The following DGAT1 variants were observed in gnomAD, a reference collection of about 807,000 sequenced individuals.
DGAT1 encodes ACAT related gene product 1.
In DGAT1, 60 loss-of-function variants were observed where a neutral mutation model predicts 72.6. The ratio of observed to expected loss-of-function variants is 0.83; its 90% CI spans 0.67 to 1.02. DGAT1 has a LOEUF of 1.02. Among genes scored for constraint, DGAT1 ranks in the 50% least tolerant of loss-of-function variants. The pLI, the probability that DGAT1 is intolerant of heterozygous loss-of-function variation, is 0.00. For missense variants in DGAT1, 592 were observed against 670.0 expected, an observed-to-expected ratio of 0.88 and a Z score of 1.29; for synonymous variants, 290 against 267.5, an observed-to-expected ratio of 1.08 and a Z score of -0.82.
chr8:144,325,659 G>A (rs1215751922), intron 1 of DGAT1, among the ~76,000 whole-genome samples: 4 of 152,124 alleles, frequency 2.6e-5, no homozygotes, highest in Non-Finnish European at 5.9e-5. Context: ...CCTTCCCATC[G>A]GCCATGGTTC....
chr8:144,318,863 A>G lies in DGAT1; in HGVS notation c.387T>C (p.Tyr129=), dbSNP rs782181623. 5 of 1,612,214 alleles carry G rather than the reference A, an allele frequency of 3.1e-6. 1 individual carries two copies. The South Asian group carries it at 5.5e-5, about 18-fold the overall frequency. The change falls in exon 4 of 17, where the codon TAT becomes TAC. Residue 129 remains tyrosine, a synonymous_variant. Coordinates refer to ENST00000528718, the MANE Select transcript of DGAT1 (RefSeq NM_012079.6). ...QVVSLFLKDP[Y]SWPAPCLVIA... ...TAACCAGGCATGGGGCGGGCCAGCT[A>G]TAGGGATCCTTCAGGAACAGAGAAA... is the stretch of plus-strand genomic sequence containing the variant.
Position 144,317,593 on chromosome 8 carries a change from A to G in DGAT1, c.937-5T>C. On this transcript the variant is annotated splice_polypyrimidine_tract_variant and splice_region_variant and intron_variant, in intron 11 of 16. Transcript: ENST00000528718. The stretch of plus-strand genomic sequence containing the variant: ...GATGCGTGAGTAGTCCATGTCCTGC[A>G]GAAACAAGCCCTTCAGCTAGCCATG... 6.2e-7 allele frequency: 1 copy of G among 1,613,892 alleles called. No homozygotes were observed. The highest frequency in any genetic ancestry group is 1.1e-5 in the South Asian group (1 of 91,088).
rs1335452798 is a variant in DGAT1 at position 144,315,009 on chromosome 8, G to A, written c.*1545C>T. The A allele has an allele frequency of 1.0e-6, 1 of 985,696 alleles. No individual in the cohort carries two copies. The highest frequency in any genetic ancestry group is 1.2e-6 in the Non-Finnish European group (1 of 830,174). The allele number at this position is 985,696 out of a possible 1,614,324, so 61.1% of individuals were successfully genotyped here. On this transcript the variant is annotated 3_prime_UTR_variant, in exon 17 of 17. Transcript: ENST00000528718. Reference sequence around the variant, plus strand: ...TTCGCACTCGGACAGGTGATGCGGGGCGGGCACACTGTCTTTCTGCCAGAG... The same window carrying A: ...TTCGCACTCGGACAGGTGATGCGGGACGGGCACACTGTCTTTCTGCCAGAG...
Position 144,316,879 on chromosome 8 carries a change from A to C in DGAT1, c.1285T>G (p.Trp429Gly), listed in dbSNP as rs1554847135. 6.2e-7 allele frequency: 1 copy of C among 1,611,780 alleles called. No homozygotes were observed. The highest frequency in any genetic ancestry group is 1.1e-5 in the South Asian group (1 of 90,832). ...VSVPLRMFRL[W>G]AFTGMMAQIP... ...TGAGCCATCATGCCCGTGAACGCCC[A>C]GAGGCGGAACATTCGCAGAGGGACG... Residue 429 changes from tryptophan (W) to glycine (G), a missense_variant, in exon 16 of 17, where the codon TGG becomes GGG. By Grantham distance (184) the Trp-to-Gly change is radical. Coordinates refer to ENST00000528718, the MANE Select transcript of DGAT1 (RefSeq NM_012079.6).
At chr8:144,319,106 C>T (rs1554847816) in intron 2 of DGAT1, 38 bp from the exon 3 acceptor site, 1 of 1,550,772 alleles carries the variant, frequency 6.4e-7, no homozygotes, top group Admixed American at 2.0e-5. Flanking sequence ...CCCCTTTAGT[C>T]CTGGCCACAG....
At chr8:144,318,626 G>T in intron 5 of DGAT1, 60 bp from the exon 6 acceptor site, 1 of 1,603,996 alleles carries the variant, frequency 6.2e-7, no homozygotes, top group Non-Finnish European at 8.5e-7. Flanking sequence ...GGGCTGCCAG[G>T]CCTGGGGAGC....
At position 144,314,773 on chromosome 8, in the gene DGAT1, C is replaced by A; in HGVS notation, c.*1781G>T. 1 of 337,872 alleles carries A rather than the reference C, an allele frequency of 3.0e-6. No homozygotes were observed. Among genetic ancestry groups the A allele is most frequent in the Non-Finnish European group, 4.3e-6 (1 of 230,720 alleles). The allele number at this position is 337,872 out of a possible 1,614,324, so 20.9% of individuals were successfully genotyped here. A position where few individuals can be genotyped will look rare whatever the true frequency, so the allele number is the denominator to read the frequency against. On this transcript the variant is annotated 3_prime_UTR_variant, in exon 17 of 17. Coordinates refer to ENST00000528718, the MANE Select transcript of DGAT1 (RefSeq NM_012079.6). ...CAGGGTGGTGCGGTGGGTGGTGCTG[C>A]AATGAGGAGGGGCCCAGGGCACAGA...
Position 144,316,390 on chromosome 8 carries a change from G to C in DGAT1, c.*164C>G. 1.1e-6 allele frequency: 1 copy of C among 883,668 alleles called. No homozygotes were observed. Among genetic ancestry groups the C allele is most frequent in the Non-Finnish European group, 1.7e-6 (1 of 598,592 alleles). 54.7% of individuals were successfully genotyped at this position (883,668 alleles called of 1,614,324 possible). On this transcript the variant is annotated 3_prime_UTR_variant, in exon 17 of 17. Coordinates refer to ENST00000528718, the MANE Select transcript of DGAT1 (RefSeq NM_012079.6). Reference sequence around the variant, plus strand: ...TGTCTGGCCTGCTGTCGCCATCCCTGAGGGGTGCAGGACAGAGCCCCATAG... The same window carrying C: ...TGTCTGGCCTGCTGTCGCCATCCCTCAGGGGTGCAGGACAGAGCCCCATAG...
chr8:144,317,495 T>TG lies in DGAT1; in HGVS notation c.981+48dup, dbSNP rs782240187. The TG allele has an allele frequency of 6.2e-6, 10 of 1,613,662 alleles. 1 individual carries two copies. The highest frequency in any genetic ancestry group is 3.3e-5 in the Admixed American group (2 of 60,016). On this transcript the variant is annotated intron_variant, in intron 12 of 16. Transcript: ENST00000528718. The stretch of plus-strand genomic sequence containing the variant: ...CCAAGTTCTAGAACCTTCCCCCACA[T>TG]GCCACTGTCCCCTCCTGTCCTGTGC...
Position 144,315,298 on chromosome 8 carries a change from C to A in DGAT1, c.*1256G>T. 1.0e-6 allele frequency: 1 copy of A among 985,508 alleles called. No homozygotes were observed. Among genetic ancestry groups the A allele is most frequent in the Non-Finnish European group, 1.2e-6 (1 of 829,980 alleles). The allele number at this position is 985,508 out of a possible 1,614,324, so 61.0% of individuals were successfully genotyped here. On this transcript the variant is annotated 3_prime_UTR_variant, in exon 17 of 17. Transcript: ENST00000528718. ...CCACTACTGCCATCCTCAGCAGGGCCCAAGGAGATGCCTCCATCTCAGGGC... is the reference window on the plus strand; with the variant it reads ...CCACTACTGCCATCCTCAGCAGGGCACAAGGAGATGCCTCCATCTCAGGGC...
chr8:144,326,594 G>T lies in DGAT1; in HGVS notation c.43C>A (p.Arg15=). The change falls in exon 1 of 17, where the codon CGG becomes AGG. Residue 15 remains arginine (R), a synonymous_variant. Coordinates refer to ENST00000528718, the MANE Select transcript of DGAT1 (RefSeq NM_012079.6). ...CCGCCGCCGCCGTGGCTCGAGGGCC[G>T]CGACCCTGTCCTCCGGCGCCGGGAG... ...GSSRRRRTGS[R]PSSHGGGGPA... 1.6e-6 allele frequency: 2 copies of T among 1,235,398 alleles called. No homozygotes were observed. The highest frequency in any genetic ancestry group is 2.0e-6 in the Non-Finnish European group (2 of 989,264). The allele number at this position is 1,235,398 out of a possible 1,614,324, so 76.5% of individuals were successfully genotyped here. A position where few individuals can be genotyped will look rare whatever the true frequency, so the allele number is the denominator to read the frequency against.
Position 144,314,810 on chromosome 8 carries a change from G to T in DGAT1, c.*1744C>A. ...GCCCAGGGCACAGAAGGGCCGGGCTGCAGTGGCCTCCTGGGGGAAGACGGA... is the reference window on the plus strand; with the variant it reads ...GCCCAGGGCACAGAAGGGCCGGGCTTCAGTGGCCTCCTGGGGGAAGACGGA... On this transcript the variant is annotated 3_prime_UTR_variant, in exon 17 of 17. Coordinates refer to ENST00000528718, the MANE Select transcript of DGAT1 (RefSeq NM_012079.6). 1 of 726,228 alleles carries T rather than the reference G, an allele frequency of 1.4e-6. No homozygotes were observed. Among genetic ancestry groups the T allele is most frequent in the Non-Finnish European group, 1.7e-6 (1 of 590,422 alleles). The allele number at this position is 726,228 out of a possible 1,614,324, so 45.0% of individuals were successfully genotyped here.
rs373569005 is a variant in DGAT1 at position 144,318,302 on chromosome 8, C to T, written c.635G>A (p.Arg212His). 33 of 1,612,656 alleles carry T rather than the reference C, an allele frequency of 2.0e-5. No individual in the cohort carries two copies. Among genetic ancestry groups the T allele is most frequent in the Non-Finnish European group, 2.8e-5 (33 of 1,179,868 alleles). Reference protein sequence around the residue: ...TILFLKLFSYRDVNSWCRRAR... With the variant: ...TILFLKLFSYHDVNSWCRRAR... Reference sequence around the variant, plus strand: ...CCTGCGGCACCATGAGTTGACGTCGCGGTAGGAGAAGAGCTTGAGGAAGAG... The same window carrying T: ...CCTGCGGCACCATGAGTTGACGTCGTGGTAGGAGAAGAGCTTGAGGAAGAG... The change falls in exon 7 of 17, where the codon CGC becomes CAC. Residue 212 changes from arginine (R) to histidine (H), a missense_variant. Transcript: ENST00000528718.
Position 144,326,739 on chromosome 8 carries a change from GC to G in DGAT1, c.-104del. 1 of 970,164 alleles carries G rather than the reference GC, an allele frequency of 1.0e-6. No individual in the cohort carries two copies. Among genetic ancestry groups the G allele is most frequent in the Non-Finnish European group, 1.3e-6 (1 of 790,416 alleles). The allele number at this position is 970,164 out of a possible 1,614,324, so 60.1% of individuals were successfully genotyped here. ...CGGGCCCTAGACAACGGCCGCCACTGCCCCCTGCCGGCCGCCGTAGCCCGGG... is the reference window on the plus strand; with the variant it reads ...CGGGCCCTAGACAACGGCCGCCACTGCCCCTGCCGGCCGCCGTAGCCCGGG... On this transcript the variant is annotated 5_prime_UTR_variant, in exon 1 of 17. Transcript: ENST00000528718.
intron 6 of DGAT1, 45 bp downstream of exon 6, chr8:144,318,416 C>T (rs70961710): frequency 2.0e-5 from 32 of 1,561,786 alleles, no homozygotes; most frequent in East Asian, 1.9e-4. Flanking sequence ...AGGCCATGCC[C>T]GTGGCTGGCC....
intron 1 of DGAT1, among the ~76,000 whole-genome samples, chr8:144,322,582 T>G (rs782225229): frequency 2.6e-5 from 4 of 152,146 alleles, no homozygotes; most frequent in Non-Finnish European, 5.9e-5. Context: ...CGAGAGGCAA[T>G]GCCAACAAGC....
chr8:144,316,364 G>C lies in DGAT1; in HGVS notation c.*190C>G. 3 of 719,808 alleles carry C rather than the reference G, an allele frequency of 4.2e-6. No individual in the cohort carries two copies. Among genetic ancestry groups the C allele is most frequent in the East Asian group, 2.8e-5 (1 of 36,170 alleles). The allele number at this position is 719,808 out of a possible 1,614,324, so 44.6% of individuals were successfully genotyped here. On this transcript the variant is annotated 3_prime_UTR_variant, in exon 17 of 17. Coordinates refer to ENST00000528718, the MANE Select transcript of DGAT1 (RefSeq NM_012079.6). ...CAAGACTCCCAGCTGGCATCAGACTGTGTCTGGCCTGCTGTCGCCATCCCT... is the reference window on the plus strand; with the variant it reads ...CAAGACTCCCAGCTGGCATCAGACTCTGTCTGGCCTGCTGTCGCCATCCCT...
Position 144,318,187 on chromosome 8 carries a change from T to G in DGAT1, c.677-18A>C, listed in dbSNP as rs782542083. On this transcript the variant is annotated intron_variant, in intron 7 of 16. Transcript: ENST00000528718. ...TGCAGAGGCTACGAGCACAGCAGAG[T>G]GGGAGGGGGCTGGTGGGGCCCTGCT... is the stretch of plus-strand genomic sequence containing the variant. 1 of 1,608,440 alleles carries G rather than the reference T, an allele frequency of 6.2e-7. No individual in the cohort carries two copies. Among genetic ancestry groups the G allele is most frequent in the South Asian group, 1.1e-5 (1 of 90,750 alleles).
rs782402800 is a variant in DGAT1, at chr8:144,321,425, C to T, written c.201-17G>A. 6 of 1,612,770 alleles carry T rather than the reference C, an allele frequency of 3.7e-6. No homozygotes were observed. Among genetic ancestry groups the T allele is most frequent in the Non-Finnish European group, 5.1e-6 (6 of 1,179,198 alleles). On this transcript the variant is annotated splice_polypyrimidine_tract_variant and intron_variant, in intron 1 of 16. Transcript: ENST00000528718. Reference sequence around the variant, plus strand: ...CGATGGCACCTGACAGAGCACAACACAAGCACCCCCTGAGTGGGCACCAGC... The same window carrying T: ...CGATGGCACCTGACAGAGCACAACATAAGCACCCCCTGAGTGGGCACCAGC...
Sources: gnomAD v4.1 joint callset for allele counts (sites outside exome capture counted in the v4.1 genomes callset) on GRCh38, gnomAD v4.1.1 for gene constraint, MANE v1.5 for transcripts, NCBI Gene and HGNC (gene_info 2026-07-23, HGNC 2026-07-21) for gene names.